MAGI1: variants seen among roughly 807,000 people sequenced by gnomAD.
The protein encoded by MAGI1 is membrane-associated guanylate kinase, WW and PDZ domain-containing protein 1.
Under a neutral mutation model 139.9 loss-of-function variants are expected in MAGI1, and 58 were observed. The observed-to-expected ratio is 0.41, with a 90% confidence interval of 0.34 to 0.52. The LOEUF (loss-of-function observed/expected upper bound fraction) is 0.52. Among genes scored for constraint, MAGI1 ranks in the 20% least tolerant of loss-of-function variants. The pLI is 0.12. For synonymous variants in MAGI1, 812 were observed against 737.9 expected (o/e 1.10, Z -1.63); for missense variants, 1,874 against 1,901.6 (o/e 0.99, Z 0.27).
chr3:65,602,907 G>A (rs940266297), intron 2 of MAGI1, among the ~76,000 whole-genome samples: 4 of 151,766 alleles, frequency 2.6e-5, no homozygotes, highest in African/African-American at 9.7e-5. Flanking sequence ...CAAAAAAGGA[G>A]GCAATACAAA....
At chr3:65,408,615 C>G (rs1456787619) in intron 12 of MAGI1, among the ~76,000 whole-genome samples, 2 of 152,050 alleles carry the variant, frequency 1.3e-5, no homozygotes, top group African/African-American at 4.8e-5. Context: ...TGGCCGGCAA[C>G]CCTTCTAAAA....
intron 1 of MAGI1, among the ~76,000 whole-genome samples, chr3:65,931,459 A>C (rs574372297): frequency 1.4e-4 from 21 of 152,326 alleles, no homozygotes; most frequent in Admixed American, 1.3e-3. Flanking sequence ...TGAACACAGG[A>C]GTTCCAGACC....
intron 1 of MAGI1, among the ~76,000 whole-genome samples, chr3:65,779,832 T>C (rs909416760): frequency 1.3e-5 from 2 of 152,186 alleles, no homozygotes; most frequent in Admixed American, 6.5e-5. Flanking sequence ...AGCAAGTAAC[T>C]CTAACCTTTT....
intron 12 of MAGI1, among the ~76,000 whole-genome samples, chr3:65,427,169 G>A (rs1947106187): frequency 6.6e-6 from 1 of 151,990 alleles, no homozygotes; most frequent in Non-Finnish European, 1.5e-5. Context: ...AAAATCAGCC[G>A]GGAGTGGTGG....
chr3:65,869,635 T>C (rs1373310884), intron 1 of MAGI1, among the ~76,000 whole-genome samples: 2 of 151,880 alleles, frequency 1.3e-5, no homozygotes, highest in South Asian at 2.1e-4. Context: ...CTCCTGACTT[T>C]GTGATCCGCC....
chr3:65,978,621 CTTTT>C (rs373662388), intron 1 of MAGI1, among the ~76,000 whole-genome samples: 3 of 129,160 alleles, frequency 2.3e-5, no homozygotes, highest in South Asian at 2.5e-4. Context: ...CTCAAAATTT[CTTTT>C]TTTTTTTTTT....
chr3:65,589,464 T>C (rs1190231601), intron 2 of MAGI1, among the ~76,000 whole-genome samples: 1 of 152,080 alleles, frequency 6.6e-6, no homozygotes, highest in Non-Finnish European at 1.5e-5. Flanking sequence ...CACCAAGTCC[T>C]TTCTCTCCCT....
chr3:65,862,506 A>G (rs901530953), intron 1 of MAGI1, among the ~76,000 whole-genome samples: 1 of 151,818 alleles, frequency 6.6e-6, no homozygotes, highest in African/African-American at 2.4e-5. Flanking sequence ...AGGATCTACC[A>G]CTCTGTTCCT....
Position 65,474,445 on chromosome 3 carries a change from A to G in MAGI1, c.758-3961T>C, listed in dbSNP as rs1950740742. Among the ~76,000 whole-genome samples the G allele has an allele frequency of 5.3e-5, 8 of 152,328 alleles. No individual in the cohort carries two copies. The South Asian group carries it at 1.4e-3, about 28-fold the overall frequency. ...TTGTTCAGTGGTGTAACAGGTACAC[A>G]GTCCTTCAGGGTTCTCATCTGCAAA... is the stretch of plus-strand genomic sequence containing the variant. On this transcript the variant is annotated intron_variant, in intron 4 of 22. Coordinates refer to ENST00000402939, the MANE Select transcript of MAGI1 (RefSeq NM_001033057.2).
chr3:65,883,440 A>G (rs1427383621), intron 1 of MAGI1, among the ~76,000 whole-genome samples: 2 of 152,224 alleles, frequency 1.3e-5, no homozygotes, highest in Non-Finnish European at 2.9e-5. Flanking sequence ...GGTCACAGTA[A>G]GGAAGAATTT....
In MAGI1 at chr3:66,038,463, G is replaced by T; in HGVS notation, c.-155C>A. On this transcript the variant is annotated 5_prime_UTR_variant, in exon 1 of 23. Coordinates refer to ENST00000402939, the MANE Select transcript of MAGI1 (RefSeq NM_001033057.2). ...TTGGCAGCCTCGCTCCCCTGCACAC[G>T]CTCGCGCACTCAAGCCATCATAAAA... 1 of 1,037,116 alleles carries T rather than the reference G, an allele frequency of 9.6e-7. No homozygotes were observed. The highest frequency in any genetic ancestry group is 1.3e-6 in the Non-Finnish European group (1 of 754,474). 64.2% of individuals were successfully genotyped at this position (1,037,116 alleles called of 1,614,324 possible). A position where few individuals can be genotyped will look rare whatever the true frequency, so the allele number is the denominator to read the frequency against.
chr3:65,570,417 A>AT (rs1280229995), intron 2 of MAGI1, among the ~76,000 whole-genome samples: 1 of 123,600 alleles, frequency 8.1e-6, no homozygotes, highest in African/African-American at 3.6e-5. Flanking sequence ...ACAATACTTC[A>AT]TAAAAAAAAA....
chr3:65,738,618 G>A (rs991226118), intron 1 of MAGI1, among the ~76,000 whole-genome samples: 1 of 152,208 alleles, frequency 6.6e-6, no homozygotes, highest in Non-Finnish European at 1.5e-5. Context: ...AGACTTGAAA[G>A]TTTAAGTGAC....
chr3:65,699,365 T>A (rs967894186), intron 1 of MAGI1, among the ~76,000 whole-genome samples: 46 of 148,682 alleles, frequency 3.1e-4, no homozygotes, highest in African/African-American at 9.9e-4. Flanking sequence ...GACCCTGCCA[T>A]CCCATTGCTG....
intron 1 of MAGI1, among the ~76,000 whole-genome samples, chr3:65,754,342 A>G (rs2036393882): frequency 6.6e-6 from 1 of 152,220 alleles, no homozygotes; most frequent in Admixed American, 6.5e-5. Context: ...TAATTACTGA[A>G]GAAAGGAAAA....
chr3:65,885,388 ACT>A (rs779770216), intron 1 of MAGI1, among the ~76,000 whole-genome samples: 2 of 149,958 alleles, frequency 1.3e-5, no homozygotes, highest in African/African-American at 5.0e-5. Context: ...GAAGAGCAAA[ACT>A]CTGTCTCAAA....
chr3:65,543,939 T>G (rs2079377676), intron 2 of MAGI1, among the ~76,000 whole-genome samples: 1 of 152,070 alleles, frequency 6.6e-6, no homozygotes, highest in Non-Finnish European at 1.5e-5. Flanking sequence ...TCACAGCTAT[T>G]TAAAAAGGAA....
intron 12 of MAGI1, among the ~76,000 whole-genome samples, chr3:65,424,923 G>C (rs1251398229): frequency 6.6e-6 from 1 of 151,732 alleles, no homozygotes; most frequent in Non-Finnish European, 1.5e-5. Flanking sequence ...TTTTTTAAAA[G>C]AGATTAGCCT....
At chr3:65,481,608 T>C (rs1383721424) in intron 3 of MAGI1, among the ~76,000 whole-genome samples, 2 of 152,242 alleles carry the variant, frequency 1.3e-5, no homozygotes, top group Non-Finnish European at 2.9e-5. Context: ...AAACTTCTAC[T>C]GAAAGATGTG....
Sources: allele counts gnomAD v4.1 joint callset (sites outside exome capture counted in the v4.1 genomes callset), GRCh38; gene constraint gnomAD v4.1.1; transcripts MANE v1.5; gene names NCBI Gene and HGNC (gene_info 2026-07-23, HGNC 2026-07-21).